KLF8: variants seen among roughly 807,000 people sequenced by gnomAD.
KLF8 encodes the protein Krueppel-like factor 8.
A neutral mutation model predicts 18.2 loss-of-function variants in KLF8; 10 were observed. The observed-to-expected ratio is 0.55, with a 90% CI of 0.34 to 0.93. The LOEUF is 0.93. Ranked by LOEUF, KLF8 falls within the 40% of genes least tolerant of loss-of-function variation. KLF8 has a pLI of 0.02. For missense variants in KLF8, 264 were observed against 277.9 expected, an observed-to-expected ratio of 0.95 and a Z score of 0.36; for synonymous variants, 109 against 97.3, an observed-to-expected ratio of 1.12 and a Z score of -0.71.
At chrX:56,101,093 G>A in the KLF8 span, among the ~76,000 whole-genome samples, 2 of 111,127 alleles carry the variant, frequency 1.8e-5, no homozygotes, top group Admixed American at 9.6e-5. Flanking sequence ...GTAACCAATA[G>A]GTAGTTTTTC....
rs755076719 is a variant in KLF8, at chrX:56,265,644, G to T, written c.546G>T (p.Val182=). The T allele has an allele frequency of 1.7e-6, 2 of 1,209,375 alleles. No homozygotes were observed. The highest frequency in any genetic ancestry group is 3.0e-5 in the East Asian group (1 of 33,765). ...MGGLKTIPVV[V]QSLPMVYTTL... ...GCCTGAAGACCATCCCAGTGGTAGT[G>T]CAGTCTCTGCCCATGGTGTATACTA... Residue 182 remains valine (V), a synonymous_variant, in exon 3 of 6, where the codon GTG becomes GTT. Transcript: ENST00000468660.
chrX:56,091,420 G>A, the KLF8 span, among the ~76,000 whole-genome samples: 4 of 111,262 alleles, frequency 3.6e-5, no homozygotes, highest in South Asian at 3.9e-4. Flanking sequence ...ACCCAGTCTC[G>A]GGTGTGTCTT....
rs776137421 is a variant in KLF8 at position 56,287,757 on chromosome X, G to GA, written c.*3269dup. 7 of 111,777 alleles carry GA rather than the reference G, an allele frequency of 6.3e-5. No individual in the cohort carries two copies. The South Asian group carries it at 2.6e-3, about 42-fold the overall frequency. The allele number at this position is 111,777 out of a possible 1,213,427, so 9.2% of individuals were successfully genotyped here. A position where few individuals can be genotyped will look rare whatever the true frequency, so the allele number is the denominator to read the frequency against. On this transcript the variant is annotated 3_prime_UTR_variant, in exon 6 of 6. Transcript: ENST00000468660. ...ATTTTCAAACAGTTTCAGTTTTACA[G>GA]AAAAAATGTGAAGCTAGTACAGAGA...
the KLF8 span, among the ~76,000 whole-genome samples, chrX:56,158,941 G>C: frequency 9.0e-6 from 1 of 111,713 alleles, no homozygotes; most frequent in Non-Finnish European, 1.9e-5. Flanking sequence ...GGAGTGGTGA[G>C]AGAGGGCATC....
the KLF8 span, among the ~76,000 whole-genome samples, chrX:56,086,806 C>T: frequency 2.7e-5 from 3 of 110,950 alleles, no homozygotes; most frequent in Admixed American, 9.6e-5. Context: ...TAGTAATTAG[C>T]AATGGTTTAA....
chrX:56,112,777 T>C, the KLF8 span, among the ~76,000 whole-genome samples: 1 of 112,737 alleles, frequency 8.9e-6, no homozygotes, highest in Non-Finnish European at 1.9e-5. Context: ...TCAACTATTA[T>C]ACTTTTCAGT....
chrX:55,979,325 CACGCTACCTGCA>C, the KLF8 span, among the ~76,000 whole-genome samples: 1 of 111,862 alleles, frequency 8.9e-6, no homozygotes, highest in Non-Finnish European at 1.9e-5. Flanking sequence ...CCATGCTGTG[CACGCTACCTGCA>C]TCCTAGTTGC....
intron 3 of KLF8, chrX:56,266,686 A>T: frequency 1.3e-6 from 1 of 754,126 alleles, no homozygotes; most frequent in Non-Finnish European, 1.6e-6. Context: ...TGTAATCAGG[A>T]ATGATCAAGG....
the KLF8 span, among the ~76,000 whole-genome samples, chrX:55,929,370 A>G: frequency 8.9e-6 from 1 of 112,037 alleles, no homozygotes; most frequent in Non-Finnish European, 1.9e-5. Flanking sequence ...TCTTTCATTG[A>G]ATTAGATCCC....
the KLF8 span, among the ~76,000 whole-genome samples, chrX:56,041,191 C>G: frequency 9.1e-6 from 1 of 109,974 alleles, no homozygotes; most frequent in Non-Finnish European, 1.9e-5. Context: ...ATGGCATGAT[C>G]TCGGCTCACT....
chrX:56,132,466 C>T, the KLF8 span, among the ~76,000 whole-genome samples: 3 of 111,159 alleles, frequency 2.7e-5, no homozygotes, highest in Non-Finnish European at 5.7e-5. Context: ...CTATCACAAC[C>T]TCTGGGAAGC....
chrX:55,908,711 G>C, the KLF8 span: 1 of 284,959 alleles, frequency 3.5e-6, no homozygotes, highest in African/African-American at 2.8e-5. Flanking sequence ...TGAGGACCCC[G>C]GGTCCAAGAG....
chrX:56,146,712 T>TAA, the KLF8 span, among the ~76,000 whole-genome samples: 4 of 99,056 alleles, frequency 4.0e-5, no homozygotes, highest in Middle Eastern at 0.011. Flanking sequence ...TAAAGTATAA[T>TAA]AAAAAAAAAA....
the KLF8 span, among the ~76,000 whole-genome samples, chrX:55,927,817 G>T: frequency 9.0e-6 from 1 of 111,379 alleles, no homozygotes. Context: ...GATTATGTGT[G>T]TTGTAAATAT....
the KLF8 span, among the ~76,000 whole-genome samples, chrX:55,930,864 G>T: frequency 9.0e-6 from 1 of 111,695 alleles, no homozygotes; most frequent in Non-Finnish European, 1.9e-5. Context: ...TTGTGTCTCT[G>T]CCAGGTTTTG....
chrX:56,263,489 T>A (rs1408237863), intron 2 of KLF8, among the ~76,000 whole-genome samples: 1 of 82,039 alleles, frequency 1.2e-5, no homozygotes, highest in Non-Finnish European at 2.9e-5. Flanking sequence ...CTGAGCATTG[T>A]TGTCATGTGT....
chrX:56,055,643 T>C, the KLF8 span, among the ~76,000 whole-genome samples: 2 of 112,420 alleles, frequency 1.8e-5, no homozygotes, highest in African/African-American at 6.5e-5. Context: ...TCATGGATGA[T>C]AATCTGAAAT....
chrX:56,091,656 G>A, the KLF8 span, among the ~76,000 whole-genome samples: 1 of 110,499 alleles, frequency 9.0e-6, no homozygotes, highest in African/African-American at 3.3e-5. Context: ...CACCATGCCT[G>A]GCTAATTTTT....
At position 56,270,218 on chromosome X, in the gene KLF8, G is replaced by T. The variant is rs146271748; in HGVS notation, c.795G>T (p.Ser265=). 3 of 1,206,928 alleles carry T rather than the reference G, an allele frequency of 2.5e-6. No homozygotes were observed. The highest frequency in any genetic ancestry group is 3.5e-5 in the African/African-American group (2 of 56,520). Residue 265 remains serine, a synonymous_variant, in exon 5 of 6, where the codon TCG becomes TCT. Coordinates refer to ENST00000468660, the MANE Select transcript of KLF8 (RefSeq NM_007250.5). The part of the protein sequence containing the change: ...AAMAQMQGEE[S]LDLKRRRIHQ... The stretch of plus-strand genomic sequence containing the variant: ...TGGCCCAAATGCAGGGAGAAGAGTC[G>T]CTTGACTTGAAGAGAAGACGGATTC...
Sources: allele counts gnomAD v4.1 joint callset (sites outside exome capture counted in the v4.1 genomes callset), GRCh38; gene constraint gnomAD v4.1.1; transcripts MANE v1.5; gene names NCBI Gene and HGNC (gene_info 2026-07-23, HGNC 2026-07-21).